NFATC2: variants seen among roughly 807,000 people sequenced by gnomAD.
NFATC2 encodes the protein nuclear factor of activated T-cells, cytoplasmic 2.
In NFATC2, 22 loss-of-function variants were observed where a neutral mutation model predicts 87.3. That is an observed-to-expected ratio of 0.25 (90% CI 0.18 to 0.36). The LOEUF is 0.36. Ranked by LOEUF, NFATC2 falls within the 10% of genes least tolerant of loss-of-function variation. The pLI is 1.00. For synonymous variants in NFATC2, 565 were observed against 542.2 expected (o/e 1.04, Z -0.58); for missense variants, 1,149 against 1,259.1 (o/e 0.91, Z 1.32).
At chr20:51,526,643 C>G (rs2076550405) in intron 1 of NFATC2, among the ~76,000 whole-genome samples, 1 of 152,146 alleles carries the variant, frequency 6.6e-6, no homozygotes, top group African/African-American at 2.4e-5. Flanking sequence ...TTGGGGGACC[C>G]CAGGTGGCCA....
At chr20:51,542,344 C>T in intron 1 of NFATC2, 26 bp downstream of exon 1, 2 of 1,598,360 alleles carry the variant, frequency 1.3e-6, no homozygotes, top group African/African-American at 1.4e-5. Context: ...GGCTCAGGGG[C>T]CAGGCCAGGG....
intron 6 of NFATC2, among the ~76,000 whole-genome samples, chr20:51,448,111 G>A (rs1188962902): frequency 6.6e-6 from 1 of 152,244 alleles, no homozygotes; most frequent in Non-Finnish European, 1.5e-5. Flanking sequence ...AGACTCTGCT[G>A]TCAAGGAACT....
intron 2 of NFATC2, among the ~76,000 whole-genome samples, chr20:51,520,668 T>C (rs1420907089): frequency 2.6e-5 from 4 of 151,600 alleles, no homozygotes; most frequent in Non-Finnish European, 5.9e-5. Context: ...TATTATTTAT[T>C]TTTATTTTTT....
At chr20:51,514,639 G>A (rs1342638548) in intron 3 of NFATC2, among the ~76,000 whole-genome samples, 1 of 152,152 alleles carries the variant, frequency 6.6e-6, no homozygotes, top group Non-Finnish European at 1.5e-5. Flanking sequence ...TTGGGAGGCC[G>A]AGGTGGGTGG....
chr20:51,482,493 C>T (rs1989347365), intron 3 of NFATC2, among the ~76,000 whole-genome samples: 1 of 152,104 alleles, frequency 6.6e-6, no homozygotes, highest in South Asian at 2.1e-4. Context: ...CCAAACTTTT[C>T]TTTCATTCCA....
At chr20:51,444,959 C>G (rs1984863163) in intron 6 of NFATC2, among the ~76,000 whole-genome samples, 1 of 152,152 alleles carries the variant, frequency 6.6e-6, no homozygotes, top group Non-Finnish European at 1.5e-5. Context: ...CCCACTACTT[C>G]CTTGGTGGGC....
At chr20:51,485,109 G>A (rs774829702) in intron 3 of NFATC2, among the ~76,000 whole-genome samples, 1 of 152,172 alleles carries the variant, frequency 6.6e-6, no homozygotes, top group Non-Finnish European at 1.5e-5. Context: ...TTGATGGCCC[G>A]AAACATGCTA....
At chr20:51,473,723 G>T (rs1469331742) in intron 5 of NFATC2, among the ~76,000 whole-genome samples, 2 of 152,182 alleles carry the variant, frequency 1.3e-5, no homozygotes, top group Non-Finnish European at 2.9e-5. Flanking sequence ...GAAGCTTTAG[G>T]CTACTTATTG....
intron 6 of NFATC2, among the ~76,000 whole-genome samples, chr20:51,438,866 A>T (rs1276225717): frequency 6.6e-6 from 1 of 152,226 alleles, no homozygotes; most frequent in Non-Finnish European, 1.5e-5. Context: ...CTGTGCAAAG[A>T]CCCACAGTAG....
rs572573087 is a variant in NFATC2, at chr20:51,404,187, T to C, written c.2723-5457A>G. 2.6e-5 allele frequency among the ~76,000 whole-genome samples: 4 copies of C among 152,276 alleles called. No homozygotes were observed. The South Asian group carries it at 6.2e-4, about 24-fold the overall frequency. Reference sequence around the variant, plus strand: ...TCTGTTTCTTGCAGCCAACAGCTCCTCCCTTTCTCAGCTGTCCTGGCGAGG... The same window carrying C: ...TCTGTTTCTTGCAGCCAACAGCTCCCCCCTTTCTCAGCTGTCCTGGCGAGG... On this transcript the variant is annotated intron_variant, in intron 9 of 10. Transcript: ENST00000371564.
intron 5 of NFATC2, among the ~76,000 whole-genome samples, chr20:51,472,847 C>G (rs920507534): frequency 6.6e-6 from 1 of 152,152 alleles, no homozygotes; most frequent in African/African-American, 2.4e-5. Flanking sequence ...GTTGGCCAGG[C>G]TGATCTTGAA....
At chr20:51,486,885 T>C (rs1989754151) in intron 3 of NFATC2, among the ~76,000 whole-genome samples, 1 of 152,138 alleles carries the variant, frequency 6.6e-6, no homozygotes, top group African/African-American at 2.4e-5. Flanking sequence ...AGACATATTA[T>C]ACCAGGCCAA....
chr20:51,511,098 T>C lies in NFATC2; in HGVS notation c.1332+5686A>G, dbSNP rs1461401163. On this transcript the variant is annotated intron_variant, in intron 3 of 10. Transcript: ENST00000371564. ...ACAAAACCTATAAAACCTGGCAACA[T>C]TCCACCCACATTCCCACATGTCACA... Among the ~76,000 whole-genome samples the C allele has an allele frequency of 2.6e-5, 4 of 152,140 alleles. No individual in the cohort carries two copies. The East Asian group carries it at 7.7e-4, about 29-fold the overall frequency.
rs181007194 is a variant in NFATC2 at position 51,487,302 on chromosome 20, C to T, written c.1333-11642G>A. Among the ~76,000 whole-genome samples, 482 of 152,302 alleles carry T rather than the reference C, an allele frequency of 3.2e-3. 1 individual carries two copies. Among genetic ancestry groups the T allele is most frequent in the South Asian group, 7.0e-3 (34 of 4,826 alleles). ...TGCCCCAGGGATGCTGGGATGGCAG[C>T]CGCTTCAGAACACATTGATAAGACA... is the stretch of plus-strand genomic sequence containing the variant. On this transcript the variant is annotated intron_variant, in intron 3 of 10. Transcript: ENST00000371564.
upstream of NFATC2, among the ~76,000 whole-genome samples, chr20:51,547,174 G>T (rs1414710690): frequency 2.0e-5 from 3 of 152,188 alleles, no homozygotes; most frequent in Admixed American, 6.5e-5. Context: ...AGGGGCAAGG[G>T]TTGAAGCCGG....
In NFATC2 at chr20:51,523,012, T is replaced by C. The variant is rs74948130; in HGVS notation, c.1160+69A>G. On this transcript the variant is annotated intron_variant, in intron 2 of 10. Coordinates refer to ENST00000371564, the MANE Select transcript of NFATC2 (RefSeq NM_012340.5). This position sits in a 1 kb window ranked among gnomAD's most constrained non-coding sequence, Gnocchi z 6.9. ...GTCTTAAACCTGACTCTGAATCCCA[T>C]GCTCATAACCAGAAAACCATCTCTT... The C allele has an allele frequency of 7.9e-3, 12,532 of 1,592,614 alleles. 776 individuals are homozygous for C. The African/African-American group carries it at 0.14, about 18-fold the overall frequency.
intron 9 of NFATC2, 22 bp from the exon 10 acceptor site, chr20:51,398,752 A>G (rs368480633): frequency 2.6e-6 from 4 of 1,529,598 alleles, no homozygotes; most frequent in Non-Finnish European, 3.6e-6. Context: ...TTGCAAAATC[A>G]TTTTTGAGAA....
At chr20:51,519,458 C>CAA (rs34825072) in intron 2 of NFATC2, among the ~76,000 whole-genome samples, 1,378 of 124,656 alleles carry the variant, frequency 0.011, 24 homozygotes, top group African/African-American at 0.042. Context: ...ACTAAAAATA[C>CAA]AAAAAAAAAA....
chr20:51,536,932 A>G (rs924710685), intron 1 of NFATC2, among the ~76,000 whole-genome samples: 5 of 147,460 alleles, frequency 3.4e-5, no homozygotes, highest in Admixed American at 2.7e-4. Flanking sequence ...CAGATACTGT[A>G]TCACAGCACC....
Sources: allele counts gnomAD v4.1 joint callset (sites outside exome capture counted in the v4.1 genomes callset), GRCh38; gene constraint gnomAD v4.1.1; non-coding constraint Gnocchi (gnomAD v3.1); transcripts MANE v1.5; gene names NCBI Gene and HGNC (gene_info 2026-07-23, HGNC 2026-07-21).